The following SLC25A36 variants were observed in gnomAD, a reference collection of about 807,000 sequenced individuals.
SLC25A36 encodes epididymis secretory sperm binding protein.
Under a neutral mutation model 35.3 loss-of-function variants are expected in SLC25A36, and 24 were observed. The observed-to-expected ratio is 0.68, with a 90% CI of 0.49 to 0.96. The LOEUF is 0.96. Ranked by LOEUF, SLC25A36 falls within the 40% of genes least tolerant of loss-of-function variation. SLC25A36 has a pLI of 0.00. For missense variants in SLC25A36, 294 were observed against 381.1 expected (o/e 0.77, Z 1.90); for synonymous variants, 141 against 132.2 (o/e 1.07, Z -0.46).
rs74628590 is a variant in SLC25A36 at position 140,963,245 on chromosome 3, TA to T, written c.385+32del. ...AATGGCAGGTATGAATGTATAATAT[TA>T]AAAAAAAAAAAAACTTTCTGAAACC... is the stretch of plus-strand genomic sequence containing the variant. On this transcript the variant is annotated intron_variant, in intron 4 of 6. Transcript: ENST00000324194. 53,468 of 1,136,354 alleles carry T rather than the reference TA, an allele frequency of 0.047. 194 individuals carry two copies. Among genetic ancestry groups the T allele is most frequent in the African/African-American group, 0.11 (6,801 of 59,954 alleles). 70.4% of individuals were successfully genotyped at this position (1,136,354 alleles called of 1,614,324 possible). A position where few individuals can be genotyped will look rare whatever the true frequency, so the allele number is the denominator to read the frequency against.
intron 1 of SLC25A36, among the ~76,000 whole-genome samples, chr3:140,943,980 G>GTTAAC (rs71149102): frequency 0.26 from 40,164 of 151,650 alleles, 8,788 homozygotes; most frequent in African/African-American, 0.61. Context: ...AGCATATGTA[G>GTTAAC]TTAGAGTATT....
chr3:140,961,842 C>T (rs961366603), intron 3 of SLC25A36, among the ~76,000 whole-genome samples: 43 of 109,482 alleles, frequency 3.9e-4, no homozygotes, highest in Admixed American at 1.1e-3. Context: ...GGCAAAAGAG[C>T]GAGGCTCCGT....
intron 1 of SLC25A36, among the ~76,000 whole-genome samples, chr3:140,948,657 C>A (rs1195479405): frequency 6.6e-6 from 1 of 152,114 alleles, no homozygotes; most frequent in African/African-American, 2.4e-5. Context: ...TATTGTTGAC[C>A]TCATCAGAAA....
chr3:140,959,653 G>A, intron 3 of SLC25A36, 113 bp downstream of exon 3: 3 of 463,826 alleles, frequency 6.5e-6, no homozygotes, highest in Non-Finnish European at 1.1e-5. Context: ...AGTATTCAAT[G>A]TTTATGGGAA....
chr3:140,954,168 T>A (rs1934412749), intron 1 of SLC25A36, among the ~76,000 whole-genome samples: 2 of 152,188 alleles, frequency 1.3e-5, no homozygotes, highest in Admixed American at 1.3e-4. Flanking sequence ...ACGTCAAAAA[T>A]AAAAGCCTTT....
At chr3:140,957,494 C>G (rs905272516) in intron 2 of SLC25A36, among the ~76,000 whole-genome samples, 9 of 152,280 alleles carry the variant, frequency 5.9e-5, no homozygotes, top group African/African-American at 2.2e-4. Flanking sequence ...ATAATCCCAG[C>G]ACTTTGGGAG....
At chr3:140,944,368 T>A (rs1364925793) in intron 1 of SLC25A36, among the ~76,000 whole-genome samples, 2 of 152,210 alleles carry the variant, frequency 1.3e-5, no homozygotes, top group Non-Finnish European at 2.9e-5. Flanking sequence ...GTGCTTTCTT[T>A]AAGACACCCT....
intron 5 of SLC25A36, among the ~76,000 whole-genome samples, chr3:140,971,738 ACT>A (rs1165814131): frequency 1.3e-5 from 2 of 151,944 alleles, no homozygotes; most frequent in Non-Finnish European, 2.9e-5. Flanking sequence ...TAGAATAGAG[ACT>A]CTTAAGTAAC....
chr3:140,968,305 G>T, intron 4 of SLC25A36: 1 of 780,272 alleles, frequency 1.3e-6, no homozygotes, highest in Non-Finnish European at 1.6e-6. Context: ...ATTGTGTCTA[G>T]ATTCTTTACC....
intron 6 of SLC25A36, among the ~76,000 whole-genome samples, chr3:140,975,140 C>G (rs1935009862): frequency 1.2e-5 from 1 of 85,002 alleles, no homozygotes. Flanking sequence ...TAGGATCTCA[C>G]TGTGTCACCC....
In SLC25A36 at chr3:140,977,239, A is replaced by G. The variant is rs1403204705; in HGVS notation, c.*786A>G. 2 of 152,196 alleles carry G rather than the reference A, an allele frequency of 1.3e-5. No individual in the cohort carries two copies. The highest frequency in any genetic ancestry group is 2.4e-5 in the African/African-American group (1 of 41,454). The allele number at this position is 152,196 out of a possible 1,614,324, so 9.4% of individuals were successfully genotyped here. A position where few individuals can be genotyped will look rare whatever the true frequency, so the allele number is the denominator to read the frequency against. ...TTATCTTTTTAGTGACTTACTAGTT[A>G]CGAACTTGAATTATCACCTCTTTGT... On this transcript the variant is annotated 3_prime_UTR_variant, in exon 7 of 7. Transcript: ENST00000324194.
At chr3:140,972,703 C>T (rs907909420) in intron 5 of SLC25A36, 3 of 152,000 alleles carry the variant, frequency 2.0e-5, no homozygotes, top group Non-Finnish European at 4.4e-5. Context: ...TCTCTTTTAA[C>T]TTTCTTGTGA....
intron 1 of SLC25A36, chr3:140,942,674 C>T (rs1198879112): frequency 6.6e-6 from 1 of 152,254 alleles, no homozygotes; most frequent in Non-Finnish European, 1.5e-5. Flanking sequence ...CTCTGCACGT[C>T]ACTCACGCCC....
intron 2 of SLC25A36, among the ~76,000 whole-genome samples, chr3:140,957,490 C>G (rs1368155146): frequency 6.6e-6 from 1 of 152,052 alleles, no homozygotes; most frequent in Admixed American, 6.6e-5. Flanking sequence ...GCCCATAATC[C>G]CAGCACTTTG....
intron 4 of SLC25A36, among the ~76,000 whole-genome samples, chr3:140,969,298 T>A (rs970020945): frequency 6.6e-6 from 1 of 151,844 alleles, no homozygotes; most frequent in African/African-American, 2.4e-5. Context: ...ACCAAGAATA[T>A]ATGCATGAAA....
intron 5 of SLC25A36, among the ~76,000 whole-genome samples, chr3:140,971,220 A>G (rs1410302597): frequency 6.6e-6 from 1 of 151,728 alleles, no homozygotes; most frequent in Non-Finnish European, 1.5e-5. Flanking sequence ...TTGTTTTAAA[A>G]AGAGTGGCTA....
chr3:140,941,998 A>C lies in SLC25A36; in HGVS notation c.-57A>C. 3.2e-6 allele frequency: 3 copies of C among 935,654 alleles called. No homozygotes were observed. The highest frequency in any genetic ancestry group is 5.0e-6 in the Non-Finnish European group (3 of 600,606). 58.0% of individuals were successfully genotyped at this position (935,654 alleles called of 1,614,324 possible). On this transcript the variant is annotated 5_prime_UTR_variant, in exon 1 of 7. Coordinates refer to ENST00000324194, the MANE Select transcript of SLC25A36 (RefSeq NM_001104647.3). Reference sequence around the variant, plus strand: ...GTCCGGGACCGAAGCCGCCTGCCGTAGCGGGCGGCCAGATCCGCGTCCCGC... The same window carrying C: ...GTCCGGGACCGAAGCCGCCTGCCGTCGCGGGCGGCCAGATCCGCGTCCCGC...
At position 140,956,708 on chromosome 3, in the gene SLC25A36, C is replaced by T; in HGVS notation, c.206+17C>T. 1 of 1,567,586 alleles carries T rather than the reference C, an allele frequency of 6.4e-7. No individual in the cohort carries two copies. The highest frequency in any genetic ancestry group is 1.4e-5 in the African/African-American group (1 of 73,054). On this transcript the variant is annotated intron_variant, in intron 2 of 6. Coordinates refer to ENST00000324194, the MANE Select transcript of SLC25A36 (RefSeq NM_001104647.3). ...TTGCCTAAAGTGAGAGCATAGTATTCAGGAGTGTTTTTTAGTTTGTTTGCG... is the reference window on the plus strand; with the variant it reads ...TTGCCTAAAGTGAGAGCATAGTATTTAGGAGTGTTTTTTAGTTTGTTTGCG...
At position 140,976,382 on chromosome 3, in the gene SLC25A36, G is replaced by C; in HGVS notation, c.865G>C (p.Val289Leu). The C allele has an allele frequency of 6.2e-7, 1 of 1,613,860 alleles. No homozygotes were observed. The highest frequency in any genetic ancestry group is 8.5e-7 in the Non-Finnish European group (1 of 1,179,916). The change falls in exon 7 of 7, where the codon GTG (valine) becomes CTG (leucine). Residue 289 changes from valine (V) to leucine (L), a missense_variant. Coordinates refer to ENST00000324194, the MANE Select transcript of SLC25A36 (RefSeq NM_001104647.3). ...TTATCGTGGTCTGACAACTCATCTA[G>C]TGAGACAGATTCCAAACACAGCCAT... ...SLYRGLTTHLVRQIPNTAIMM... is the reference protein window; with the variant it reads ...SLYRGLTTHLLRQIPNTAIMM...
Sources: allele counts gnomAD v4.1 joint callset (sites outside exome capture counted in the v4.1 genomes callset), GRCh38; gene constraint gnomAD v4.1.1; transcripts MANE v1.5; gene names NCBI Gene and HGNC (gene_info 2026-07-23, HGNC 2026-07-21).